The following KIT variants were observed in gnomAD, a reference collection of about 807,000 sequenced individuals.
The protein encoded by KIT is KIT proto-oncogene, receptor tyrosine kinase, also known as mast/stem cell growth factor receptor Kit.
A neutral mutation model predicts 105.7 loss-of-function variants in KIT; 16 were observed. That is an observed-to-expected ratio of 0.15 (90% CI 0.10 to 0.23). The LOEUF (loss-of-function observed/expected upper bound fraction) is 0.23. Among genes scored for constraint, KIT ranks in the 10% least tolerant of loss-of-function variants. KIT has a pLI of 1.00. For synonymous variants in KIT, 438 were observed against 441.1 expected, an observed-to-expected ratio of 0.99 and a Z score of 0.09; for missense variants, 858 against 1,213.8, an observed-to-expected ratio of 0.71 and a Z score of 4.36.
At chr4:54,731,471 T>A (rs1220364812) in intron 15 of KIT, 52 bp downstream of exon 15, 1 of 1,176,170 alleles carries the variant, frequency 8.5e-7, no homozygotes, top group Non-Finnish European at 1.3e-6. Flanking sequence ...AGAGTATGTA[T>A]ATCATGCTAA....
intron 1 of KIT, among the ~76,000 whole-genome samples, chr4:54,691,589 G>A (rs1263838614): frequency 6.6e-6 from 1 of 152,154 alleles, no homozygotes; most frequent in African/African-American, 2.4e-5. Flanking sequence ...AAAACAGCTA[G>A]AAGTTAACCC....
chr4:54,672,954 T>C (rs934160452), intron 1 of KIT, among the ~76,000 whole-genome samples: 47 of 152,212 alleles, frequency 3.1e-4, no homozygotes, highest in African/African-American at 1.0e-3. Context: ...TTTGCTTGGA[T>C]ACCTTTATTA....
intron 7 of KIT, among the ~76,000 whole-genome samples, chr4:54,712,751 C>CTTTT (rs1192525269): frequency 6.6e-6 from 1 of 152,128 alleles, no homozygotes; most frequent in African/African-American, 2.4e-5. Flanking sequence ...AGTAGGAGGT[C>CTTTT]TTTTCTGCAT....
intron 1 of KIT, 100 bp from the exon 2 acceptor site, chr4:54,695,412 A>G (rs1577952063): frequency 8.0e-7 from 1 of 1,247,602 alleles, no homozygotes; most frequent in South Asian, 1.3e-5. Context: ...TCCTATTTTT[A>G]TTGTAGAGTA....
chr4:54,711,222 A>C (rs1721141354), intron 7 of KIT, among the ~76,000 whole-genome samples: 1 of 152,218 alleles, frequency 6.6e-6, no homozygotes. Context: ...TTGATGCTAC[A>C]GCTCAGGAAA....
intron 14 of KIT, among the ~76,000 whole-genome samples, chr4:54,730,731 A>T (rs1255647376): frequency 1.3e-5 from 2 of 152,044 alleles, no homozygotes; most frequent in Non-Finnish European, 2.9e-5. Context: ...TCTGAAGGAG[A>T]TTGTTGTCAT....
At chr4:54,726,276 G>A (rs956237221) in intron 9 of KIT, among the ~76,000 whole-genome samples, 3 of 152,252 alleles carry the variant, frequency 2.0e-5, no homozygotes, top group African/African-American at 7.2e-5. Flanking sequence ...ATATGTATGT[G>A]TGTCTCTATT....
chr4:54,720,034 C>T (rs888508304), intron 7 of KIT, among the ~76,000 whole-genome samples: 4 of 152,166 alleles, frequency 2.6e-5, no homozygotes, highest in Non-Finnish European at 5.9e-5. Context: ...GATACCCACT[C>T]ATAGGCCCTT....
intron 1 of KIT, among the ~76,000 whole-genome samples, chr4:54,679,478 A>G (rs776982331): frequency 6.3e-4 from 96 of 152,312 alleles, no homozygotes; most frequent in Middle Eastern, 3.4e-3. Flanking sequence ...CTATGGCTAT[A>G]AAGTGACATT....
chr4:54,729,261 T>C, intron 13 of KIT, 74 bp from the exon 14 acceptor site: 1 of 1,517,300 alleles, frequency 6.6e-7, no homozygotes, highest in East Asian at 2.3e-5. Context: ...TGACCACCCT[T>C]GGGTATTTTT....
chr4:54,667,455 A>T (rs2282778), intron 1 of KIT, among the ~76,000 whole-genome samples: 43,723 of 152,136 alleles, frequency 0.29, 7,383 homozygotes, highest in Admixed American at 0.4. Context: ...TTAAGTTAAC[A>T]ATTCCAGTCC....
chr4:54,665,619 T>C (rs1364319962), intron 1 of KIT, among the ~76,000 whole-genome samples: 2 of 152,154 alleles, frequency 1.3e-5, no homozygotes, highest in East Asian at 3.8e-4. Flanking sequence ...GGAATTATCA[T>C]GGGTGTAGGT....
intron 1 of KIT, among the ~76,000 whole-genome samples, chr4:54,666,319 C>T (rs1039406802): frequency 1.3e-5 from 2 of 151,946 alleles, no homozygotes; most frequent in South Asian, 2.1e-4. Context: ...CTCACTCTGT[C>T]GCCAGGCTGG....
intron 1 of KIT, among the ~76,000 whole-genome samples, chr4:54,669,336 A>G (rs1170282178): frequency 6.6e-6 from 1 of 152,134 alleles, no homozygotes; most frequent in Non-Finnish European, 1.5e-5. Flanking sequence ...ATTTAACATG[A>G]TCATCTTGGT....
chr4:54,695,439 C>CTACATCCAATAA, intron 1 of KIT, 73 bp from the exon 2 acceptor site: 3 of 1,493,996 alleles, frequency 2.0e-6, no homozygotes, highest in Non-Finnish European at 2.8e-6. Flanking sequence ...AGATGGAACT[C>CTACATCCAATAA]AGTATTGGAA....
chr4:54,696,297 C>G (rs1053341362), intron 2 of KIT, among the ~76,000 whole-genome samples: 1 of 152,132 alleles, frequency 6.6e-6, no homozygotes, highest in African/African-American at 2.4e-5. Context: ...AAAATGTGAC[C>G]TCTTATAAAC....
intron 1 of KIT, among the ~76,000 whole-genome samples, chr4:54,684,644 C>T (rs1577936802): frequency 2.0e-5 from 3 of 152,288 alleles, no homozygotes; most frequent in Admixed American, 2.0e-4. Flanking sequence ...TCCACCTCCT[C>T]CCCCAAACTC....
chr4:54,658,406 G>A (rs931509552), intron 1 of KIT, among the ~76,000 whole-genome samples: 2 of 152,124 alleles, frequency 1.3e-5, no homozygotes, highest in Non-Finnish European at 2.9e-5. Flanking sequence ...ACGTTGCGCG[G>A]GGGGCGGAGG....
intron 1 of KIT, among the ~76,000 whole-genome samples, chr4:54,666,527 C>T (rs909610304): frequency 6.6e-6 from 1 of 152,152 alleles, no homozygotes; most frequent in Admixed American, 6.5e-5. Flanking sequence ...ATCCACACAC[C>T]TCGGCCTCCC....
Sources: allele counts gnomAD v4.1 joint callset (sites outside exome capture counted in the v4.1 genomes callset), GRCh38; gene constraint gnomAD v4.1.1; transcripts MANE v1.5; gene names NCBI Gene and HGNC (gene_info 2026-07-23, HGNC 2026-07-21).